The following MED27 variants were observed in gnomAD, a reference collection of about 807,000 sequenced individuals.
MED27 encodes the protein mediator complex subunit 27, also known as mediator of RNA polymerase II transcription subunit 27.
A neutral mutation model predicts 38.2 loss-of-function variants in MED27; 30 were observed. The observed-to-expected ratio is 0.79, with a 90% confidence interval of 0.59 to 1.07. The LOEUF is 1.07. MED27 is among the 50% of genes least tolerant of loss of function. The pLI is 0.00. For missense variants in MED27, 289 were observed against 397.5 expected, an observed-to-expected ratio of 0.73 and a Z score of 2.32; for synonymous variants, 122 against 153.5, an observed-to-expected ratio of 0.79 and a Z score of 1.52.
intron 2 of MED27, among the ~76,000 whole-genome samples, chr9:132,044,550 G>A (rs779769409): frequency 3.3e-5 from 5 of 152,222 alleles, no homozygotes; most frequent in African/African-American, 7.2e-5. Context: ...TCTTCCCTGG[G>A]TGGGTGCTCT....
At chr9:132,072,895 C>T (rs1442844132) in intron 2 of MED27, among the ~76,000 whole-genome samples, 2 of 151,946 alleles carry the variant, frequency 1.3e-5, no homozygotes, top group African/African-American at 2.4e-5. Context: ...AAGTAGAAAT[C>T]GGTTATACGT....
At chr9:131,939,826 G>A (rs889073861) in intron 3 of MED27, among the ~76,000 whole-genome samples, 5 of 152,104 alleles carry the variant, frequency 3.3e-5, no homozygotes, top group Admixed American at 6.5e-5. Context: ...GCGCACCTCC[G>A]GGCTGTCTCA....
chr9:132,053,371 G>T (rs1278735088), intron 2 of MED27, among the ~76,000 whole-genome samples: 3 of 152,048 alleles, frequency 2.0e-5, no homozygotes, highest in Non-Finnish European at 4.4e-5. Flanking sequence ...ATTTTGTTAG[G>T]ATGAGCACCA....
At chr9:132,073,561 T>A in intron 2 of MED27, 1 of 1,379,924 alleles carries the variant, frequency 7.2e-7, no homozygotes, top group Non-Finnish European at 9.3e-7. Flanking sequence ...ATTCCAACCC[T>A]GTTAGTTCCA....
intron 1 of MED27, among the ~76,000 whole-genome samples, chr9:132,079,372 T>C (rs1266777233): frequency 1.3e-5 from 2 of 152,068 alleles, no homozygotes; most frequent in East Asian, 3.9e-4. Context: ...GGGAAAAGCA[T>C]GCCTCCTTGT....
At chr9:131,903,772 G>A (rs1829997395) in intron 4 of MED27, among the ~76,000 whole-genome samples, 1 of 152,106 alleles carries the variant, frequency 6.6e-6, no homozygotes. Flanking sequence ...CTGTTGCCCA[G>A]GTTGGAGTGC....
At chr9:131,964,050 A>C (rs963687178) in intron 3 of MED27, among the ~76,000 whole-genome samples, 1 of 152,068 alleles carries the variant, frequency 6.6e-6, no homozygotes, top group Non-Finnish European at 1.5e-5. Flanking sequence ...TCTGATTGTG[A>C]GGAGAGTGGA....
At chr9:131,948,375 T>C (rs1830924352) in intron 3 of MED27, among the ~76,000 whole-genome samples, 1 of 151,714 alleles carries the variant, frequency 6.6e-6, no homozygotes, top group South Asian at 2.1e-4. Flanking sequence ...TAATCTCAGC[T>C]ACTCAGGAGG....
chr9:131,922,261 C>T (rs1391372948), intron 4 of MED27, among the ~76,000 whole-genome samples: 6 of 151,538 alleles, frequency 4.0e-5, no homozygotes, highest in Non-Finnish European at 7.4e-5. Context: ...AGCAATATAC[C>T]GTGAGCTATT....
chr9:132,048,783 T>G (rs893859701), intron 2 of MED27, among the ~76,000 whole-genome samples: 4 of 152,146 alleles, frequency 2.6e-5, no homozygotes, highest in Non-Finnish European at 4.4e-5. Flanking sequence ...TTTGGCAGCA[T>G]GCTGGGGTGT....
intron 3 of MED27, among the ~76,000 whole-genome samples, chr9:131,990,254 T>C (rs796379905): frequency 2.6e-5 from 4 of 152,292 alleles, no homozygotes; most frequent in African/African-American, 4.8e-5. Flanking sequence ...AAAGATACCA[T>C]GTAATAAATA....
At chr9:131,943,034 C>G (rs1346643361) in intron 3 of MED27, among the ~76,000 whole-genome samples, 1 of 152,070 alleles carries the variant, frequency 6.6e-6, no homozygotes, top group Admixed American at 6.6e-5. Context: ...CTTCCCCAAC[C>G]CGTGACCTCA....
At chr9:131,896,329 C>A (rs182634297) in intron 4 of MED27, among the ~76,000 whole-genome samples, 1 of 152,216 alleles carries the variant, frequency 6.6e-6, no homozygotes, top group Non-Finnish European at 1.5e-5. Flanking sequence ...CACATTTTAA[C>A]TTTCTTTGCT....
At chr9:131,893,783 C>A (rs781460998) in intron 5 of MED27, 102 bp downstream of exon 5, 15 of 773,872 alleles carry the variant, frequency 1.9e-5, no homozygotes, top group Non-Finnish European at 3.1e-5. Flanking sequence ...CTGATCATTT[C>A]CGCTATGATT....
At chr9:131,921,216 TC>T (rs1830385328) in intron 4 of MED27, among the ~76,000 whole-genome samples, 1 of 152,116 alleles carries the variant, frequency 6.6e-6, no homozygotes, top group South Asian at 2.1e-4. Flanking sequence ...CATCTAGGTG[TC>T]CTGTTAGCAC....
chr9:132,066,514 T>A (rs917308552), intron 2 of MED27, among the ~76,000 whole-genome samples: 9 of 152,134 alleles, frequency 5.9e-5, no homozygotes, highest in African/African-American at 1.4e-4. Context: ...GTCCCCAGTG[T>A]GATGTGAGGG....
intron 2 of MED27, among the ~76,000 whole-genome samples, chr9:132,070,249 GAT>G (rs1449923669): frequency 6.6e-6 from 1 of 152,240 alleles, no homozygotes; most frequent in Non-Finnish European, 1.5e-5. Context: ...TTTGTGTTCA[GAT>G]ATTGTCCTAA....
intron 2 of MED27, among the ~76,000 whole-genome samples, chr9:132,077,187 T>C (rs1042679526): frequency 7.2e-5 from 11 of 152,218 alleles, no homozygotes; most frequent in Non-Finnish European, 1.6e-4. Context: ...AGTTGCTCCC[T>C]ATACCCAGTC....
intron 2 of MED27, among the ~76,000 whole-genome samples, chr9:132,063,366 G>A (rs1833740627): frequency 6.6e-6 from 1 of 152,152 alleles, no homozygotes; most frequent in Admixed American, 6.5e-5. Flanking sequence ...TCACTATCTG[G>A]AGGAAGTCTC....
Sources: allele counts gnomAD v4.1 joint callset (sites outside exome capture counted in the v4.1 genomes callset), GRCh38; gene constraint gnomAD v4.1.1; transcripts MANE v1.5; gene names NCBI Gene and HGNC (gene_info 2026-07-23, HGNC 2026-07-21).